Variants in TBCK observed in about 807,000 individuals in gnomAD.
TBCK encodes TBC domain-containing protein kinase-like protein.
A neutral mutation model predicts 113.4 loss-of-function variants in TBCK; 99 were observed. The observed-to-expected ratio is 0.87, with a 90% confidence interval of 0.74 to 1.03. TBCK has a LOEUF of 1.03. Ranked by LOEUF, TBCK falls within the 50% of genes least tolerant of loss-of-function variation. TBCK has a pLI of 0.00. For synonymous variants in TBCK, 369 were observed against 370.8 expected, an observed-to-expected ratio of 1.00 and a Z score of 0.05; for missense variants, 1,045 against 1,061.3, an observed-to-expected ratio of 0.98 and a Z score of 0.21.
chr4:106,243,938 T>C (rs2150038283), intron 11 of TBCK, among the ~76,000 whole-genome samples: 1 of 152,198 alleles, frequency 6.6e-6, no homozygotes, highest in Admixed American at 6.6e-5. Flanking sequence ...CCACCTGCCT[T>C]GCCTCCCAAA....
Position 106,296,209 on chromosome 4 carries a change from T to C in TBCK, c.194-1043A>G, listed in dbSNP as rs1766285766. ...GAATCTAAGAGGAATAAAAGAAAAG[T>C]ACAACTGGCTTTACAAGCTTTTGGG... is the stretch of plus-strand genomic sequence containing the variant. On this transcript the variant is annotated intron_variant, in intron 2 of 25. Transcript: ENST00000394708. Among the ~76,000 whole-genome samples, 4 of 152,176 alleles carry C rather than the reference T, an allele frequency of 2.6e-5. No homozygotes were observed. The South Asian group carries it at 8.3e-4, about 32-fold the overall frequency.
At chr4:106,168,895 T>A (rs1163212459) in intron 23 of TBCK, among the ~76,000 whole-genome samples, 1 of 151,854 alleles carries the variant, frequency 6.6e-6, no homozygotes, top group African/African-American at 2.4e-5. Flanking sequence ...AGGTTGAATA[T>A]CTCTAGTTCC....
At chr4:106,079,847 G>A (rs894266025) in intron 25 of TBCK, among the ~76,000 whole-genome samples, 1 of 152,168 alleles carries the variant, frequency 6.6e-6, no homozygotes, top group African/African-American at 2.4e-5. Flanking sequence ...AATCATGATG[G>A]AAGGTGAGGA....
intron 3 of TBCK, among the ~76,000 whole-genome samples, chr4:106,266,312 C>A (rs928362835): frequency 7.2e-5 from 11 of 151,796 alleles, no homozygotes; most frequent in African/African-American, 2.4e-4. Flanking sequence ...AGAGTAGCTT[C>A]TCTTGTTCTT....
chr4:106,245,263 C>T (rs910686140), intron 10 of TBCK, among the ~76,000 whole-genome samples: 2 of 152,098 alleles, frequency 1.3e-5, no homozygotes, highest in East Asian at 3.9e-4. Flanking sequence ...GAGGAAAATG[C>T]CCTTATGTTT....
At chr4:106,237,366 G>T (rs78620195) in intron 12 of TBCK, 1 of 333,740 alleles carries the variant, frequency 3.0e-6, no homozygotes, top group Non-Finnish European at 6.0e-6. Flanking sequence ...TTTAATAAAT[G>T]TTGTTCCAAA....
At chr4:106,166,744 A>G (rs1484792707) in intron 23 of TBCK, among the ~76,000 whole-genome samples, 1 of 151,712 alleles carries the variant, frequency 6.6e-6, no homozygotes, top group Non-Finnish European at 1.5e-5. Context: ...AGTAGACTTT[A>G]TCTCAGGAAT....
intron 23 of TBCK, among the ~76,000 whole-genome samples, chr4:106,155,443 CT>C: frequency 6.6e-6 from 1 of 152,234 alleles, no homozygotes; most frequent in South Asian, 2.1e-4. Context: ...CATTAACATC[CT>C]TTTTATTCAA....
At chr4:106,265,936 T>C (rs1313812527) in intron 3 of TBCK, among the ~76,000 whole-genome samples, 1 of 151,838 alleles carries the variant, frequency 6.6e-6, no homozygotes, top group African/African-American at 2.4e-5. Flanking sequence ...GCTATTTAAA[T>C]TGACTGTAAA....
chr4:106,168,766 T>C (rs903653370), intron 23 of TBCK, among the ~76,000 whole-genome samples: 17 of 151,882 alleles, frequency 1.1e-4, no homozygotes, highest in African/African-American at 1.9e-4. Context: ...TACTTAGATA[T>C]AAGTCTAACT....
intron 23 of TBCK, among the ~76,000 whole-genome samples, chr4:106,133,834 A>T (rs1304630930): frequency 6.6e-6 from 1 of 151,998 alleles, no homozygotes; most frequent in African/African-American, 2.4e-5. Flanking sequence ...CCAACATGAA[A>T]CCCCATCTCT....
chr4:106,163,724 T>C (rs1348880812), intron 23 of TBCK: 2 of 152,108 alleles, frequency 1.3e-5, no homozygotes, highest in Non-Finnish European at 1.5e-5. Flanking sequence ...ATGAGAACAG[T>C]ATAGGGGAAA....
chr4:106,043,064 G>C lies in TBCK; in HGVS notation c.*3506C>G, dbSNP rs570931622. 6.6e-6 allele frequency: 1 copy of C among 152,096 alleles called. No homozygotes were observed. The highest frequency in any genetic ancestry group is 1.9e-4 in the East Asian group (1 of 5,194). 9.4% of individuals were successfully genotyped at this position (152,096 alleles called of 1,614,324 possible). On this transcript the variant is annotated 3_prime_UTR_variant, in exon 26 of 26. Coordinates refer to ENST00000394708, the MANE Select transcript of TBCK (RefSeq NM_001163435.3). ...ATGTATTCCAAAACCTGAGTTCTTG[G>C]GGCTTATATTGATACTGGGTATCCC...
intron 25 of TBCK, among the ~76,000 whole-genome samples, chr4:106,073,650 T>C (rs1190961243): frequency 6.6e-6 from 1 of 152,188 alleles, no homozygotes; most frequent in Non-Finnish European, 1.5e-5. Context: ...TCTTCAGAGC[T>C]GTCAGACTGG....
chr4:106,051,518 T>C (rs770530963), intron 25 of TBCK, among the ~76,000 whole-genome samples: 1 of 151,906 alleles, frequency 6.6e-6, no homozygotes, highest in Non-Finnish European at 1.5e-5. Context: ...AATTATCCTA[T>C]AATAAGCAGC....
At chr4:106,077,674 G>C (rs755309830) in intron 25 of TBCK, among the ~76,000 whole-genome samples, 3 of 152,130 alleles carry the variant, frequency 2.0e-5, no homozygotes, top group Non-Finnish European at 2.9e-5. Context: ...GGTTCTTAGA[G>C]ATCTATGAGG....
intron 22 of TBCK, among the ~76,000 whole-genome samples, chr4:106,192,816 T>G (rs111965909): frequency 0.027 from 4,095 of 152,150 alleles, 179 homozygotes; most frequent in African/African-American, 0.094. Context: ...CAAATTTGAT[T>G]CTGGGATAAT....
upstream of TBCK, chr4:106,316,553 TC>T: frequency 6.4e-7 from 1 of 1,551,580 alleles, no homozygotes; most frequent in Non-Finnish European, 8.7e-7. Flanking sequence ...CCTACATGCT[TC>T]CTGCTGTGGC....
chr4:106,074,450 T>C (rs937318758), intron 25 of TBCK, among the ~76,000 whole-genome samples: 1 of 152,336 alleles, frequency 6.6e-6, no homozygotes, highest in South Asian at 2.1e-4. Context: ...TCAGGCTCTG[T>C]GATGAACCAT....
Sources: gnomAD v4.1 joint callset for allele counts (sites outside exome capture counted in the v4.1 genomes callset) on GRCh38, gnomAD v4.1.1 for gene constraint, MANE v1.5 for transcripts, NCBI Gene and HGNC (gene_info 2026-07-23, HGNC 2026-07-21) for gene names.